Variants in HSF2 observed in about 807,000 individuals in gnomAD.
HSF2 encodes heat shock transcription factor 2, also known as heat shock factor protein 2.
In HSF2, 21 loss-of-function variants were observed where a neutral mutation model predicts 65.0. The observed-to-expected ratio is 0.32, with a 90% CI of 0.23 to 0.47. The LOEUF (loss-of-function observed/expected upper bound fraction) is 0.47, where lower values mean the gene tolerates loss of function less well. Ranked by LOEUF, HSF2 falls within the 20% of genes least tolerant of loss-of-function variation. HSF2 has a pLI of 1.00. For missense variants in HSF2, 499 were observed against 628.1 expected (o/e 0.79, Z 2.20); for synonymous variants, 225 against 219.1 (o/e 1.03, Z -0.24).
rs2114411001 is a variant in HSF2 at position 122,399,679 on chromosome 6, C to CCGCCGTAGCTGA, written c.-54_-53insTAGCTGACGCCG. On this transcript the variant is annotated 5_prime_UTR_variant, in exon 1 of 13. Coordinates refer to ENST00000368455, the MANE Select transcript of HSF2 (RefSeq NM_004506.4). ...TCTCGGGGAGCTGCTGCCGTAGCTG[C>CCGCCGTAGCTGA]CGCCGCCGCTACCACCGCGTTCGGG... 1 of 1,448,150 alleles carries CCGCCGTAGCTGA rather than the reference C, an allele frequency of 6.9e-7. No homozygotes were observed. The highest frequency in any genetic ancestry group is 9.6e-7 in the Non-Finnish European group (1 of 1,041,642). The allele number at this position is 1,448,150 out of a possible 1,614,324, so 89.7% of individuals were successfully genotyped here. A position where few individuals can be genotyped will look rare whatever the true frequency, so the allele number is the denominator to read the frequency against.
intron 1 of HSF2, 121 bp downstream of exon 1, chr6:122,399,951 G>A (rs1051436705): frequency 3.9e-6 from 3 of 767,534 alleles, no homozygotes; most frequent in East Asian, 2.7e-5. Flanking sequence ...CGCGGTGCGG[G>A]GCCTTGGCGT....
chr6:122,428,338 T>C (rs1774382528), intron 11 of HSF2, among the ~76,000 whole-genome samples: 1 of 152,046 alleles, frequency 6.6e-6, no homozygotes, highest in African/African-American at 2.4e-5. Context: ...CCATATTTTT[T>C]GTGAGTTCTA....
In HSF2 at chr6:122,433,023, T is replaced by C. The variant is rs987049549; in HGVS notation, c.*803T>C. ...CACATGAAACAATTTTTTCTTCTCA[T>C]AGGAAGCAGTAGCTTTAAACTGTCT... On this transcript the variant is annotated 3_prime_UTR_variant, in exon 13 of 13. Transcript: ENST00000368455. The C allele has an allele frequency of 1.3e-5, 2 of 152,236 alleles. No homozygotes were observed. Among genetic ancestry groups the C allele is most frequent in the African/African-American group, 4.8e-5 (2 of 41,472 alleles). The allele number at this position is 152,236 out of a possible 1,614,324, so 9.4% of individuals were successfully genotyped here. A position where few individuals can be genotyped will look rare whatever the true frequency, so the allele number is the denominator to read the frequency against.
At chr6:122,413,303 C>T (rs188276934) in intron 3 of HSF2, among the ~76,000 whole-genome samples, 6 of 119,612 alleles carry the variant, frequency 5.0e-5, no homozygotes. Flanking sequence ...CTTGCGGAAA[C>T]TTTTTAACAT....
At chr6:122,412,110 A>G (rs778921676) in intron 1 of HSF2, among the ~76,000 whole-genome samples, 2 of 151,880 alleles carry the variant, frequency 1.3e-5, no homozygotes, top group African/African-American at 4.8e-5. Context: ...TGGAAGTTCT[A>G]ATATTTCACC....
chr6:122,425,909 T>G (rs1197937387), intron 10 of HSF2, among the ~76,000 whole-genome samples: 2 of 152,120 alleles, frequency 1.3e-5, no homozygotes, highest in Non-Finnish European at 2.9e-5. Flanking sequence ...TACCTCAGAT[T>G]ACTTGATTTA....
chr6:122,418,148 A>G (rs1047064918), intron 5 of HSF2, among the ~76,000 whole-genome samples: 2 of 152,188 alleles, frequency 1.3e-5, no homozygotes, highest in Non-Finnish European at 2.9e-5. Flanking sequence ...CAGAGTCTAA[A>G]TAGTGCTCCA....
rs1430206265 is a variant in HSF2 at position 122,422,124 on chromosome 6, A to C, written c.682-26A>C. ...GGTAGTCAATGATTTTGATTTTTAGATATATTTTTCTCTCTGAATTTTTAG... is the reference window on the plus strand; with the variant it reads ...GGTAGTCAATGATTTTGATTTTTAGCTATATTTTTCTCTCTGAATTTTTAG... On this transcript the variant is annotated intron_variant, in intron 7 of 12. Transcript: ENST00000368455. The C allele has an allele frequency of 3.3e-6, 5 of 1,504,812 alleles. No homozygotes were observed. In the Admixed American group the frequency reaches 1.0e-4, roughly 31 times the overall value. 93.2% of individuals were successfully genotyped at this position (1,504,812 alleles called of 1,614,324 possible).
Position 122,417,144 on chromosome 6 carries a change from CTG to C in HSF2, c.531+852_531+853del, listed in dbSNP as rs536812432. On this transcript the variant is annotated intron_variant, in intron 5 of 12. Transcript: ENST00000368455. ...CTGTAGCCTAGTCAACATAGATTTA[CTG>C]TGTTTTTTTTTTTTTTTAAAGTGTG... Among the ~76,000 whole-genome samples, 911 of 150,800 alleles carry C rather than the reference CTG, an allele frequency of 6.0e-3. 10 individuals carry two copies. The highest frequency in any genetic ancestry group is 0.014 in the Middle Eastern group (4 of 292).
At chr6:122,415,653 A>G (rs1774108830) in intron 4 of HSF2, among the ~76,000 whole-genome samples, 1 of 152,042 alleles carries the variant, frequency 6.6e-6, no homozygotes. Context: ...TACTATATTG[A>G]TGTAGGCATA....
At chr6:122,417,547 A>G (rs192812568) in intron 5 of HSF2, among the ~76,000 whole-genome samples, 7 of 152,138 alleles carry the variant, frequency 4.6e-5, no homozygotes, top group African/African-American at 1.7e-4. Flanking sequence ...GACAACCAAT[A>G]ATTTTTACTC....
At position 122,422,825 on chromosome 6, in the gene HSF2, G is replaced by A. The variant is rs757601713; in HGVS notation, c.938G>A (p.Ser313Asn). 2.5e-6 allele frequency: 4 copies of A among 1,613,656 alleles called. No individual in the cohort carries two copies. Among genetic ancestry groups the A allele is most frequent in the Non-Finnish European group, 3.4e-6 (4 of 1,179,826 alleles). Residue 313 changes from serine to asparagine, a missense_variant, in exon 9 of 13, where the codon AGT becomes AAT. Physicochemically the swap from Ser to Asn is conservative, Grantham distance 46 (BLOSUM62 1). This residue lies in a region of HSF2 where 349 missense variants were observed against 393.5 expected (regional missense o/e 0.89). Coordinates refer to ENST00000368455, the MANE Select transcript of HSF2 (RefSeq NM_004506.4). ...EQNEPARESL[S>N]SGSDGSSPLM... Reference sequence around the variant, plus strand: ...AATGAACCAGCCAGAGAATCCCTAAGTTCAGGCAGTGATGGCAGCAGCCCT... The same window carrying A: ...AATGAACCAGCCAGAGAATCCCTAAATTCAGGCAGTGATGGCAGCAGCCCT...
chr6:122,422,611 C>T (rs773388281), intron 8 of HSF2, 107 bp from the exon 9 acceptor site: 1 of 1,158,944 alleles, frequency 8.6e-7, no homozygotes, highest in African/African-American at 1.5e-5. Flanking sequence ...AAATTTAAGC[C>T]TTTCAGTATG....
At chr6:122,429,437 A>C (rs1404729842) in intron 11 of HSF2, among the ~76,000 whole-genome samples, 1 of 152,056 alleles carries the variant, frequency 6.6e-6, no homozygotes, top group Non-Finnish European at 1.5e-5. Context: ...TATAGTTCTG[A>C]ATCTAGATTT....
chr6:122,432,466 G>T lies in HSF2; in HGVS notation c.*246G>T. 2.4e-5 allele frequency: 9 copies of T among 370,398 alleles called. No homozygotes were observed. The highest frequency in any genetic ancestry group is 4.3e-5 in the Admixed American group (1 of 23,314). The allele number at this position is 370,398 out of a possible 1,614,324, so 22.9% of individuals were successfully genotyped here. A position where few individuals can be genotyped will look rare whatever the true frequency, so the allele number is the denominator to read the frequency against. On this transcript the variant is annotated 3_prime_UTR_variant, in exon 13 of 13. Coordinates refer to ENST00000368455, the MANE Select transcript of HSF2 (RefSeq NM_004506.4). Reference sequence around the variant, plus strand: ...CGTATCTTTAAGTTGGATTCAAATGGCCATTTTTCTCCAATTTTGGTAAAT... The same window carrying T: ...CGTATCTTTAAGTTGGATTCAAATGTCCATTTTTCTCCAATTTTGGTAAAT...
chr6:122,415,397 C>G (rs1295327828), intron 4 of HSF2, among the ~76,000 whole-genome samples: 1 of 151,802 alleles, frequency 6.6e-6, no homozygotes, highest in Non-Finnish European at 1.5e-5. Flanking sequence ...GTGTCCTCAT[C>G]TATAAAATAG....
In HSF2 at chr6:122,432,421, G is replaced by GA. The variant is rs1483542498; in HGVS notation, c.*202dup. ...TGTTACTCAGCTGCATAGTTACGCA[G>GA]ATGTAATGCACATTATTGGCGTATC... On this transcript the variant is annotated 3_prime_UTR_variant, in exon 13 of 13. Transcript: ENST00000368455. 3 of 508,336 alleles carry GA rather than the reference G, an allele frequency of 5.9e-6. No homozygotes were observed. The highest frequency in any genetic ancestry group is 1.0e-5 in the Non-Finnish European group (3 of 287,324). 31.5% of individuals were successfully genotyped at this position (508,336 alleles called of 1,614,324 possible).
At chr6:122,416,365 G>A (rs1299718221) in intron 5 of HSF2, 69 bp downstream of exon 5, 13 of 952,596 alleles carry the variant, frequency 1.4e-5, no homozygotes, top group East Asian at 2.5e-5. Flanking sequence ...GACCCAAAAA[G>A]GTCTTTATTG....
At chr6:122,409,354 A>G (rs910966687) in intron 1 of HSF2, among the ~76,000 whole-genome samples, 2 of 152,064 alleles carry the variant, frequency 1.3e-5, no homozygotes, top group Non-Finnish European at 2.9e-5. Context: ...GATATTTGAC[A>G]TTTTAGAAAT....
Sources: gnomAD v4.1 joint callset for allele counts (sites outside exome capture counted in the v4.1 genomes callset) on GRCh38, gnomAD v4.1.1 for gene constraint, gnomAD v4.1.1 regional missense constraint, MANE v1.5 for transcripts, NCBI Gene and HGNC (gene_info 2026-07-23, HGNC 2026-07-21) for gene names.